The following PPP1R42 variants were observed in gnomAD, a reference collection of about 807,000 sequenced individuals.
PPP1R42 encodes the protein leucine rich repeat containing 67.
In PPP1R42, 34 loss-of-function variants were observed where a neutral mutation model predicts 31.0. The observed-to-expected ratio is 1.10, with a 90% CI of 0.83 to 1.46. The LOEUF (loss-of-function observed/expected upper bound fraction) is 1.46. PPP1R42 is among the 40% of genes most tolerant of loss of function. The pLI is 0.00. For synonymous variants in PPP1R42, 103 were observed against 109.8 expected (o/e 0.94, Z 0.39); for missense variants, 268 against 303.0 (o/e 0.88, Z 0.86).
intron 5 of PPP1R42, among the ~76,000 whole-genome samples, chr8:67,010,264 T>C (rs1344302393): frequency 6.6e-6 from 1 of 152,222 alleles, no homozygotes; most frequent in African/African-American, 2.4e-5. Flanking sequence ...TGATATAACA[T>C]GACATTAATA....
At chr8:66,992,451 T>C (rs1815214639) in intron 5 of PPP1R42, among the ~76,000 whole-genome samples, 1 of 151,910 alleles carries the variant, frequency 6.6e-6, no homozygotes, top group Admixed American at 6.6e-5. Flanking sequence ...TAATAGAACA[T>C]CTAACTAATA....
intron 5 of PPP1R42, among the ~76,000 whole-genome samples, chr8:66,994,252 G>A (rs1815272416): frequency 6.6e-6 from 1 of 152,150 alleles, no homozygotes; most frequent in Non-Finnish European, 1.5e-5. Flanking sequence ...CCTCTGTAAT[G>A]AGGCATATCC....
At chr8:67,025,547 T>G (rs1356945255) in intron 1 of PPP1R42, among the ~76,000 whole-genome samples, 1 of 151,662 alleles carries the variant, frequency 6.6e-6, no homozygotes, top group Non-Finnish European at 1.5e-5. Context: ...TCTTAGGGTT[T>G]TTTTTTTTTT....
intron 5 of PPP1R42, among the ~76,000 whole-genome samples, chr8:67,002,740 G>GTTT (rs1239836075): frequency 8.7e-6 from 1 of 115,056 alleles, no homozygotes; most frequent in African/African-American, 3.2e-5. Context: ...TTTTTTCAGT[G>GTTT]TTTTTTTTTT....
intron 7 of PPP1R42, among the ~76,000 whole-genome samples, chr8:66,978,516 G>A (rs184915871): frequency 6.6e-6 from 1 of 152,260 alleles, no homozygotes; most frequent in East Asian, 1.9e-4. Context: ...TGCCTCCTGG[G>A]TTCAAGCGAT....
intron 7 of PPP1R42, among the ~76,000 whole-genome samples, chr8:66,976,840 A>G (rs1057392982): frequency 1.3e-5 from 2 of 152,086 alleles, no homozygotes; most frequent in South Asian, 2.1e-4. Context: ...TATCTTGGCT[A>G]TTGTGAATAC....
intron 1 of PPP1R42, among the ~76,000 whole-genome samples, chr8:67,023,319 AG>A (rs1329721834): frequency 6.6e-6 from 1 of 152,060 alleles, no homozygotes; most frequent in Non-Finnish European, 1.5e-5. Flanking sequence ...CCAAGTTGCC[AG>A]GGGAATTTCA....
chr8:66,969,632 T>C (rs1386577527), intron 7 of PPP1R42, among the ~76,000 whole-genome samples: 1 of 152,172 alleles, frequency 6.6e-6, no homozygotes, highest in Non-Finnish European at 1.5e-5. Flanking sequence ...GCAGCAGTAA[T>C]GTTCACAGGG....
At position 67,005,127 on chromosome 8, in the gene PPP1R42, G is replaced by A. The variant is rs923805479; in HGVS notation, c.552+5588C>T. ...ACTTTTTTTTTTTTTTTTTTTTTTA[G>A]CATTACCATTTGTTGTGGTTTTTGA... On this transcript the variant is annotated intron_variant, in intron 5 of 7. Transcript: ENST00000685739. 3.0e-3 allele frequency among the ~76,000 whole-genome samples: 307 copies of A among 101,302 alleles called. 1 individual carries two copies. Among genetic ancestry groups the A allele is most frequent in the African/African-American group, 0.012 (299 of 24,620 alleles). 66.5% of individuals were successfully genotyped at this position (101,302 alleles called of 152,430 possible).
chr8:66,984,818 G>A, intron 6 of PPP1R42: 9 of 1,603,710 alleles, frequency 5.6e-6, no homozygotes, highest in Non-Finnish European at 7.7e-6. Context: ...TCTGGAGGAG[G>A]CATCAGGCCC....
At chr8:67,001,786 A>G (rs1157960914) in intron 5 of PPP1R42, among the ~76,000 whole-genome samples, 1 of 152,110 alleles carries the variant, frequency 6.6e-6, no homozygotes, top group African/African-American at 2.4e-5. Context: ...CTCATGCTAT[A>G]TGGTTATTAT....
intron 7 of PPP1R42, among the ~76,000 whole-genome samples, chr8:66,965,242 C>T (rs1193721366): frequency 7.2e-6 from 1 of 138,230 alleles, no homozygotes; most frequent in Non-Finnish European, 1.5e-5. Context: ...CCAGCCTGGG[C>T]GACAGAGTGA....
At chr8:66,992,485 A>G (rs996144133) in intron 5 of PPP1R42, among the ~76,000 whole-genome samples, 6 of 152,172 alleles carry the variant, frequency 3.9e-5, no homozygotes, top group African/African-American at 9.6e-5. Context: ...AAGAACATCT[A>G]TGCAGTGACA....
chr8:67,017,990 ATAACT>A (rs1455627731), intron 1 of PPP1R42, among the ~76,000 whole-genome samples, 159 bp from the exon 2 acceptor site: 1 of 152,246 alleles, frequency 6.6e-6, no homozygotes, highest in Non-Finnish European at 1.5e-5. Flanking sequence ...GTTTATAGAC[ATAACT>A]TCATAAAAAG....
chr8:66,967,644 T>C (rs1034447834), intron 7 of PPP1R42, among the ~76,000 whole-genome samples: 6 of 152,214 alleles, frequency 3.9e-5, no homozygotes, highest in Non-Finnish European at 8.8e-5. Flanking sequence ...AACCTAATGC[T>C]TCCATATTCT....
At chr8:66,967,666 C>T (rs536012190) in intron 7 of PPP1R42, among the ~76,000 whole-genome samples, 82 of 152,234 alleles carry the variant, frequency 5.4e-4, no homozygotes, top group Non-Finnish European at 9.4e-4. Flanking sequence ...ACAAAGGGTA[C>T]TAGGTATTTT....
chr8:66,989,246 T>C (rs1055570259), intron 5 of PPP1R42, among the ~76,000 whole-genome samples: 1 of 152,170 alleles, frequency 6.6e-6, no homozygotes, highest in African/African-American at 2.4e-5. Flanking sequence ...AGTTATTCCA[T>C]GGTCTACAAC....
intron 6 of PPP1R42, among the ~76,000 whole-genome samples, chr8:66,982,900 C>G (rs1402585448): frequency 6.6e-6 from 1 of 152,000 alleles, no homozygotes; most frequent in East Asian, 1.9e-4. Flanking sequence ...CCTTAACCTC[C>G]CGAGTAGCTA....
chr8:66,990,161 A>T (rs1815148621), intron 5 of PPP1R42, among the ~76,000 whole-genome samples: 1 of 152,122 alleles, frequency 6.6e-6, no homozygotes, highest in African/African-American at 2.4e-5. Flanking sequence ...TAACTATCTT[A>T]TTTTACGTTG....
Sources: gnomAD v4.1 joint callset for allele counts (sites outside exome capture counted in the v4.1 genomes callset) on GRCh38, gnomAD v4.1.1 for gene constraint, MANE v1.5 for transcripts, NCBI Gene and HGNC (gene_info 2026-07-23, HGNC 2026-07-21) for gene names.